CDH13: variants seen among roughly 807,000 people sequenced by gnomAD.
CDH13 encodes cadherin-13.
CDH13 carries 24 observed loss-of-function variants against 63.8 expected under a neutral mutation model. That is an observed-to-expected ratio of 0.38 (90% CI 0.27 to 0.53). The LOEUF (loss-of-function observed/expected upper bound fraction) is 0.53. CDH13 is among the 20% of genes least tolerant of loss of function. CDH13 has a pLI of 0.85. For missense variants in CDH13, 1,049 were observed against 903.1 expected (o/e 1.16, Z -2.07); for synonymous variants, 503 against 355.3 (o/e 1.42, Z -4.67).
At chr16:83,410,589 G>C (rs2092111109) in intron 6 of CDH13, among the ~76,000 whole-genome samples, 2 of 152,016 alleles carry the variant, frequency 1.3e-5, no homozygotes, top group African/African-American at 4.8e-5. Context: ...TGTAAGCTCT[G>C]GTCATGCAAT....
chr16:83,717,470 G>A (rs1001494832), intron 10 of CDH13, among the ~76,000 whole-genome samples: 2 of 152,198 alleles, frequency 1.3e-5, no homozygotes, highest in Non-Finnish European at 2.9e-5. Context: ...CAGGAAACAG[G>A]CTCAGGGCAG....
chr16:82,934,087 G>C (rs1177168054), intron 2 of CDH13, among the ~76,000 whole-genome samples: 1 of 152,216 alleles, frequency 6.6e-6, no homozygotes, highest in Non-Finnish European at 1.5e-5. Flanking sequence ...ACTATGTGTG[G>C]TGGCTCTGAT....
intron 1 of CDH13, among the ~76,000 whole-genome samples, chr16:82,682,839 A>G (rs1914689104): frequency 6.6e-6 from 1 of 152,178 alleles, no homozygotes; most frequent in Admixed American, 6.5e-5. Context: ...TGCCACCCTG[A>G]GGACTGGTGC....
chr16:83,712,289 C>T lies in CDH13; in HGVS notation c.1538+33828C>T, dbSNP rs374963900. Among the ~76,000 whole-genome samples, 39 of 152,264 alleles carry T rather than the reference C, an allele frequency of 2.6e-4. No individual in the cohort carries two copies. The South Asian group carries it at 6.2e-3, about 24-fold the overall frequency. ...GAGAGAACCTGTGGTTTACAATAGC[C>T]GCCAGAGCACTGGGGGCTCTTGCGA... On this transcript the variant is annotated intron_variant, in intron 10 of 13. Coordinates refer to ENST00000567109, the MANE Select transcript of CDH13 (RefSeq NM_001257.5).
chr16:83,765,557 C>T (rs1914319464), intron 11 of CDH13, among the ~76,000 whole-genome samples: 1 of 111,288 alleles, frequency 9.0e-6, no homozygotes, highest in Admixed American at 1.1e-4. Flanking sequence ...TATATATACA[C>T]ACACACAAAG....
intron 2 of CDH13, among the ~76,000 whole-genome samples, chr16:83,031,343 A>AC (rs1916311257): frequency 1.4e-5 from 2 of 143,498 alleles, no homozygotes; most frequent in African/African-American, 2.5e-5. Context: ...ATATGTATAC[A>AC]CGTATATGGT....
intron 6 of CDH13, among the ~76,000 whole-genome samples, chr16:83,424,479 C>G (rs980061592): frequency 6.6e-6 from 1 of 152,126 alleles, no homozygotes; most frequent in African/African-American, 2.4e-5. Flanking sequence ...CCCTTCATCC[C>G]CCACTTTTGA....
chr16:82,664,764 A>G (rs908962308), intron 1 of CDH13, among the ~76,000 whole-genome samples: 4 of 152,228 alleles, frequency 2.6e-5, no homozygotes, highest in Admixed American at 6.5e-5. Flanking sequence ...TCTTCTACCC[A>G]GTGGCAGTTT....
chr16:83,691,545 G>C (rs1428443144), intron 10 of CDH13, among the ~76,000 whole-genome samples: 2 of 152,080 alleles, frequency 1.3e-5, no homozygotes, highest in Non-Finnish European at 2.9e-5. Flanking sequence ...AGCCAGCCAG[G>C]TGCGGTGGCT....
intron 1 of CDH13, chr16:82,773,622 T>A (rs892288741): frequency 2.0e-5 from 3 of 152,244 alleles, no homozygotes; most frequent in African/African-American, 7.2e-5. Flanking sequence ...CCAATTCATT[T>A]TATATTTTCC....
chr16:83,292,076 T>A (rs2089479220), intron 5 of CDH13, among the ~76,000 whole-genome samples: 1 of 152,198 alleles, frequency 6.6e-6, no homozygotes. Flanking sequence ...TACATTTAGT[T>A]CAGAAAGCAC....
chr16:83,075,658 C>A (rs751282226), intron 3 of CDH13, among the ~76,000 whole-genome samples: 1 of 152,158 alleles, frequency 6.6e-6, no homozygotes, highest in Non-Finnish European at 1.5e-5. Flanking sequence ...TTAGGCGAGG[C>A]GGTCCCGGCA....
intron 4 of CDH13, among the ~76,000 whole-genome samples, chr16:83,155,954 C>T (rs898657457): frequency 6.6e-6 from 1 of 152,168 alleles, no homozygotes; most frequent in African/African-American, 2.4e-5. Context: ...TGGGGAGGAC[C>T]TGGTCATCAG....
At chr16:82,850,832 A>G (rs1290931668) in intron 1 of CDH13, among the ~76,000 whole-genome samples, 1 of 152,250 alleles carries the variant, frequency 6.6e-6, no homozygotes, top group Non-Finnish European at 1.5e-5. Flanking sequence ...CTCAGAGATC[A>G]TTAGCATTTT....
chr16:83,073,274 C>T (rs933571026), intron 3 of CDH13, among the ~76,000 whole-genome samples: 5 of 151,398 alleles, frequency 3.3e-5, no homozygotes, highest in East Asian at 3.9e-4. Flanking sequence ...AGGTTGAACC[C>T]GGGTGACTCA....
At position 83,446,022 on chromosome 16, in the gene CDH13, G is replaced by T. The variant is rs536275383; in HGVS notation, c.782-40455G>T. Among the ~76,000 whole-genome samples the T allele has an allele frequency of 2.0e-5, 3 of 152,272 alleles. No homozygotes were observed. In the South Asian group the frequency reaches 6.2e-4, roughly 32 times the overall value. On this transcript the variant is annotated intron_variant, in intron 6 of 13. Coordinates refer to ENST00000567109, the MANE Select transcript of CDH13 (RefSeq NM_001257.5). Reference sequence around the variant, plus strand: ...GTATAGAAAAACATGAGGAAGGTCAGGTGCTGTGGCTCAGGTCTGTAATCC... The same window carrying T: ...GTATAGAAAAACATGAGGAAGGTCATGTGCTGTGGCTCAGGTCTGTAATCC...
At chr16:83,121,766 A>C (rs949867641) in intron 3 of CDH13, among the ~76,000 whole-genome samples, 1 of 152,156 alleles carries the variant, frequency 6.6e-6, no homozygotes, top group Admixed American at 6.5e-5. Context: ...CCTAGCAGTA[A>C]AATTACTGAG....
intron 1 of CDH13, among the ~76,000 whole-genome samples, chr16:82,753,243 G>A (rs2034488986): frequency 6.6e-6 from 1 of 152,134 alleles, no homozygotes; most frequent in African/African-American, 2.4e-5. Context: ...TACATGGATG[G>A]CATCTCAGTT....
At chr16:83,634,115 T>TTC (rs61466379) in intron 8 of CDH13, among the ~76,000 whole-genome samples, 1 of 135,790 alleles carries the variant, frequency 7.4e-6, no homozygotes, top group African/African-American at 2.9e-5. Context: ...TTTGTGTGTT[T>TTC]TCTGTGTGTG....
Sources: gnomAD v4.1 joint callset for allele counts (sites outside exome capture counted in the v4.1 genomes callset) on GRCh38, gnomAD v4.1.1 for gene constraint, MANE v1.5 for transcripts, NCBI Gene and HGNC (gene_info 2026-07-23, HGNC 2026-07-21) for gene names.